Variants in SLC25A21 observed in about 807,000 individuals in gnomAD.
SLC25A21 encodes solute carrier family 25 member 21.
SLC25A21 carries 47 observed loss-of-function variants against 43.8 expected under a neutral mutation model. The ratio of observed to expected loss-of-function variants is 1.07; its 90% CI spans 0.85 to 1.37. The LOEUF (loss-of-function observed/expected upper bound fraction) is 1.37. SLC25A21 is among the 40% of genes most tolerant of loss of function. SLC25A21 has a pLI of 0.00. For missense variants in SLC25A21, 352 were observed against 350.2 expected, an observed-to-expected ratio of 1.00 and a Z score of -0.04; for synonymous variants, 131 against 121.3, an observed-to-expected ratio of 1.08 and a Z score of -0.52.
At chr14:36,903,614 GAAAA>G (rs71124784) in intron 1 of SLC25A21, among the ~76,000 whole-genome samples, 1 of 50,458 alleles carries the variant, frequency 2.0e-5, no homozygotes, top group Non-Finnish European at 3.2e-5. Flanking sequence ...CTCCGTCTCA[GAAAA>G]AAAAAAAAAA....
At chr14:36,873,405 T>C (rs899593444) in intron 2 of SLC25A21, among the ~76,000 whole-genome samples, 2 of 152,064 alleles carry the variant, frequency 1.3e-5, no homozygotes, top group Admixed American at 1.3e-4. Flanking sequence ...AAGTGATTCT[T>C]CTGCCTCAGC....
At chr14:37,172,094 C>A in intron 1 of SLC25A21, 187 bp downstream of exon 1, 1 of 611,366 alleles carries the variant, frequency 1.6e-6, no homozygotes, top group Non-Finnish European at 2.8e-6. Context: ...GGGGCACCCA[C>A]TACTCGCAAT....
chr14:36,794,463 AT>A (rs1887602022), intron 3 of SLC25A21, among the ~76,000 whole-genome samples: 1 of 152,172 alleles, frequency 6.6e-6, no homozygotes, highest in Non-Finnish European at 1.5e-5. Context: ...CTGCTTATTG[AT>A]GATATATATA....
rs757842810 is a variant in SLC25A21 at position 37,160,950 on chromosome 14, AGAG to A, written c.70+11328_70+11330del. On this transcript the variant is annotated intron_variant, in intron 1 of 9. Transcript: ENST00000331299. ...ATCTCAAAGAAAGAAAGAAGGAGGA[AGAG>A]GAGGAGGAGGAGGAGAAAGAGGAAG... 7.1e-4 allele frequency among the ~76,000 whole-genome samples: 82 copies of A among 116,038 alleles called. 1 individual carries two copies. The highest frequency in any genetic ancestry group is 4.6e-4 in the Admixed American group (4 of 8,700). The allele number at this position is 116,038 out of a possible 152,430, so 76.1% of individuals were successfully genotyped here.
intron 3 of SLC25A21, among the ~76,000 whole-genome samples, chr14:36,793,109 A>G (rs185422741): frequency 2.0e-5 from 3 of 152,294 alleles, no homozygotes; most frequent in Admixed American, 6.5e-5. Flanking sequence ...AAGCACATAC[A>G]TAGGTGCACA....
chr14:36,874,524 G>A (rs1389358337), intron 2 of SLC25A21, among the ~76,000 whole-genome samples: 2 of 152,114 alleles, frequency 1.3e-5, no homozygotes, highest in Admixed American at 6.5e-5. Context: ...ACAGTAATAG[G>A]AATAAATTCT....
intron 7 of SLC25A21, among the ~76,000 whole-genome samples, chr14:36,695,806 G>C (rs1003193208): frequency 2.0e-5 from 3 of 152,082 alleles, no homozygotes; most frequent in Non-Finnish European, 4.4e-5. Context: ...GGAGATTTTG[G>C]GCTGAGACGA....
intron 2 of SLC25A21, among the ~76,000 whole-genome samples, chr14:36,819,443 T>C (rs1218038569): frequency 6.6e-6 from 1 of 152,170 alleles, no homozygotes; most frequent in Non-Finnish European, 1.5e-5. Flanking sequence ...ACTGTCTTCA[T>C]TGTGTGCTCA....
At chr14:37,051,968 T>C (rs1036026725) in intron 1 of SLC25A21, among the ~76,000 whole-genome samples, 2 of 152,078 alleles carry the variant, frequency 1.3e-5, no homozygotes, top group Admixed American at 1.3e-4. Flanking sequence ...GAGTGAAGAG[T>C]GGACCCGAAG....
chr14:36,914,291 T>C (rs1035945567), intron 1 of SLC25A21, among the ~76,000 whole-genome samples: 21 of 152,162 alleles, frequency 1.4e-4, no homozygotes, highest in Non-Finnish European at 2.4e-4. Context: ...TCTGGTATAT[T>C]TGGAGTTTGT....
At chr14:36,832,831 C>T (rs1213384008) in intron 2 of SLC25A21, among the ~76,000 whole-genome samples, 2 of 152,048 alleles carry the variant, frequency 1.3e-5, no homozygotes, top group African/African-American at 4.8e-5. Context: ...CTATAATGAC[C>T]CAAACAAATC....
chr14:36,847,162 A>G (rs1243142541), intron 2 of SLC25A21, among the ~76,000 whole-genome samples: 1 of 152,226 alleles, frequency 6.6e-6, no homozygotes, highest in Admixed American at 6.5e-5. Context: ...GAATTCTGAA[A>G]CATATCTGTC....
intron 1 of SLC25A21, among the ~76,000 whole-genome samples, chr14:37,001,071 C>T (rs938685437): frequency 1.3e-5 from 2 of 152,146 alleles, no homozygotes; most frequent in Non-Finnish European, 2.9e-5. Context: ...TTTTATCTTG[C>T]TATATTTTTT....
At chr14:36,942,647 T>C (rs1892591893) in intron 1 of SLC25A21, among the ~76,000 whole-genome samples, 1 of 152,140 alleles carries the variant, frequency 6.6e-6, no homozygotes, top group African/African-American at 2.4e-5. Flanking sequence ...AGACCAGCTG[T>C]GGTGAAAAAT....
At chr14:37,021,002 C>T (rs1247802437) in intron 1 of SLC25A21, among the ~76,000 whole-genome samples, 41 of 151,940 alleles carry the variant, frequency 2.7e-4, no homozygotes, top group Non-Finnish European at 2.9e-5. Context: ...CAGACGTTTC[C>T]TGAGGTCATC....
intron 7 of SLC25A21, among the ~76,000 whole-genome samples, chr14:36,688,594 G>A (rs545402052): frequency 6.6e-6 from 1 of 152,268 alleles, no homozygotes; most frequent in Non-Finnish European, 1.5e-5. Context: ...CGGTCCTACC[G>A]CCCCACCTCC....
At chr14:37,110,147 C>G (rs1000441237) in intron 1 of SLC25A21, among the ~76,000 whole-genome samples, 6 of 152,184 alleles carry the variant, frequency 3.9e-5, no homozygotes, top group Non-Finnish European at 8.8e-5. Context: ...TTTGTGAACA[C>G]TACTTCAGAC....
chr14:36,921,221 T>C (rs1208159498), intron 1 of SLC25A21, among the ~76,000 whole-genome samples: 1 of 152,186 alleles, frequency 6.6e-6, no homozygotes, highest in Non-Finnish European at 1.5e-5. Flanking sequence ...CTTGTTTCTA[T>C]ATGAACTTCA....
intron 4 of SLC25A21, among the ~76,000 whole-genome samples, chr14:36,732,656 C>T (rs529888120): frequency 1.8e-4 from 28 of 152,078 alleles, no homozygotes; most frequent in African/African-American, 6.0e-4. Context: ...ACACACACCC[C>T]GCCCCCCTCA....
Sources: allele counts gnomAD v4.1 joint callset (sites outside exome capture counted in the v4.1 genomes callset), GRCh38; gene constraint gnomAD v4.1.1; transcripts MANE v1.5; gene names NCBI Gene and HGNC (gene_info 2026-07-23, HGNC 2026-07-21).